The following GATAD2B variants were observed in gnomAD, a reference collection of about 807,000 sequenced individuals.
GATAD2B encodes transcriptional repressor p66-beta.
A neutral mutation model predicts 64.3 loss-of-function variants in GATAD2B; 8 were observed. That is an observed-to-expected ratio of 0.12 (90% CI 0.07 to 0.22). GATAD2B has a LOEUF of 0.22. GATAD2B is among the 10% of genes least tolerant of loss of function. GATAD2B has a pLI of 1.00. For synonymous variants in GATAD2B, 281 were observed against 271.3 expected (o/e 1.04, Z -0.35); for missense variants, 453 against 752.0 (o/e 0.60, Z 4.65).
At chr1:153,819,859 G>A in intron 2 of GATAD2B, 124 bp from the exon 3 acceptor site, 1 of 701,714 alleles carries the variant, frequency 1.4e-6, no homozygotes. Context: ...AGCACTTTGG[G>A]AGACCGAGGC....
intron 1 of GATAD2B, among the ~76,000 whole-genome samples, chr1:153,882,772 G>C (rs1443724797): frequency 6.6e-6 from 1 of 152,090 alleles, no homozygotes; most frequent in Non-Finnish European, 1.5e-5. Context: ...GACAAATCCA[G>C]ATGCTAGACA....
chr1:153,836,174 T>G lies in GATAD2B; in HGVS notation c.-1-7826A>C, dbSNP rs576372053. 2.0e-5 allele frequency among the ~76,000 whole-genome samples: 3 copies of G among 152,088 alleles called. No individual in the cohort carries two copies. The South Asian group carries it at 6.2e-4, about 32-fold the overall frequency. On this transcript the variant is annotated intron_variant, in intron 1 of 10. Coordinates refer to ENST00000368655, the MANE Select transcript of GATAD2B (RefSeq NM_020699.4). ...GAAAAGTACACAGTAAGGCAGTGGC[T>G]TGTGTGTGTAATCCCAGTGACACAA...
rs902336131 is a variant in GATAD2B at position 153,806,141 on chromosome 1, A to C, written c.*4036T>G. On this transcript the variant is annotated 3_prime_UTR_variant, in exon 11 of 11. Coordinates refer to ENST00000368655, the MANE Select transcript of GATAD2B (RefSeq NM_020699.4). ...ATATTGTATATATGCTGATGCAATC[A>C]GAGGAAAAAAACAGTGCAAATACAA... 1 of 152,220 alleles carries C rather than the reference A, an allele frequency of 6.6e-6. No individual in the cohort carries two copies. The highest frequency in any genetic ancestry group is 1.5e-5 in the Non-Finnish European group (1 of 68,044). 9.4% of individuals were successfully genotyped at this position (152,220 alleles called of 1,614,324 possible). A position where few individuals can be genotyped will look rare whatever the true frequency, so the allele number is the denominator to read the frequency against.
intron 1 of GATAD2B, among the ~76,000 whole-genome samples, chr1:153,901,869 C>T (rs1432090669): frequency 7.2e-6 from 1 of 139,392 alleles, no homozygotes; most frequent in Admixed American, 7.3e-5. Flanking sequence ...AATAAAATGG[C>T]CCTGGTGTCT....
chr1:153,883,376 TTATC>T (rs1250876089), intron 1 of GATAD2B, among the ~76,000 whole-genome samples: 1 of 152,214 alleles, frequency 6.6e-6, no homozygotes. Flanking sequence ...GGAAAACCCT[TTATC>T]TACAACACAA....
intron 8 of GATAD2B, 139 bp from the exon 9 acceptor site, chr1:153,812,271 C>A: frequency 1.7e-6 from 1 of 599,376 alleles, no homozygotes; most frequent in South Asian, 2.1e-5. Flanking sequence ...CTCAAGCAAT[C>A]CTCTCACCTT....
At chr1:153,856,004 G>A (rs1205764770) in intron 1 of GATAD2B, among the ~76,000 whole-genome samples, 1 of 152,128 alleles carries the variant, frequency 6.6e-6, no homozygotes, top group Non-Finnish European at 1.5e-5. Context: ...TTCTTCTGGA[G>A]TCTCTAGAGG....
At chr1:153,817,302 G>C in intron 6 of GATAD2B, 70 bp downstream of exon 6, 1 of 1,391,770 alleles carries the variant, frequency 7.2e-7, no homozygotes, top group African/African-American at 1.4e-5. Context: ...TAAAACCTAT[G>C]GCCCTTTCGA....
At chr1:153,889,470 T>C (rs1359095560) in intron 1 of GATAD2B, among the ~76,000 whole-genome samples, 2 of 145,638 alleles carry the variant, frequency 1.4e-5, no homozygotes, top group African/African-American at 5.1e-5. Context: ...TGTATATTTA[T>C]AAATCACTCT....
At chr1:153,814,977 CA>C (rs58167495) in intron 7 of GATAD2B, among the ~76,000 whole-genome samples, 1,789 of 107,056 alleles carry the variant, frequency 0.017, 26 homozygotes, top group African/African-American at 0.05. Context: ...GATTCCATCT[CA>C]AAAAAAAAAA....
At chr1:153,856,325 T>C (rs1236313529) in intron 1 of GATAD2B, among the ~76,000 whole-genome samples, 1 of 152,190 alleles carries the variant, frequency 6.6e-6, no homozygotes, top group Non-Finnish European at 1.5e-5. Flanking sequence ...GGGCATTATT[T>C]TGCCTACCAC....
intron 1 of GATAD2B, chr1:153,921,788 T>A (rs1678440339): frequency 6.6e-6 from 1 of 152,182 alleles, no homozygotes; most frequent in Non-Finnish European, 1.5e-5. Flanking sequence ...TGAGCTAACA[T>A]CTTGTGTTTG....
chr1:153,833,978 CTTTTTTTTTATG>C (rs954463625), intron 1 of GATAD2B, among the ~76,000 whole-genome samples: 6 of 149,862 alleles, frequency 4.0e-5, no homozygotes, highest in African/African-American at 1.2e-4. Context: ...GTCTCTCTCT[CTTTTTTTTTATG>C]TTTTTTTTTG....
Position 153,816,767 on chromosome 1 carries a change from T to C in GATAD2B, c.901-179A>G, listed in dbSNP as rs569962462. ...GACACATAGGAAAGGAGAATGATGA[T>C]GACCATGAGCTAACATTGCTAAGAG... On this transcript the variant is annotated intron_variant, in intron 6 of 10. Transcript: ENST00000368655. The surrounding 1 kb of genome is among the most constrained non-coding windows in gnomAD (Gnocchi z 4.9). Among the ~76,000 whole-genome samples, 1 of 152,284 alleles carries C rather than the reference T, an allele frequency of 6.6e-6. No homozygotes were observed. The highest frequency in any genetic ancestry group is 1.9e-4 in the East Asian group (1 of 5,188).
At chr1:153,844,458 T>C (rs1417065911) in intron 1 of GATAD2B, among the ~76,000 whole-genome samples, 3 of 131,876 alleles carry the variant, frequency 2.3e-5, no homozygotes, top group South Asian at 2.4e-4. Flanking sequence ...ACAAATACAA[T>C]AACTGAATTG....
chr1:153,856,766 AAAAG>A (rs1192869803), intron 1 of GATAD2B, among the ~76,000 whole-genome samples: 6 of 152,076 alleles, frequency 3.9e-5, no homozygotes, highest in African/African-American at 7.2e-5. Context: ...CTAACCAAAA[AAAAG>A]AAAGAAAGAA....
At chr1:153,897,033 C>T (rs1025852430) in intron 1 of GATAD2B, among the ~76,000 whole-genome samples, 5 of 142,512 alleles carry the variant, frequency 3.5e-5, no homozygotes, top group African/African-American at 5.2e-5. Flanking sequence ...TCTTAGAACA[C>T]TTTTTTTTTT....
chr1:153,833,270 T>A (rs1158583117), intron 1 of GATAD2B, among the ~76,000 whole-genome samples: 1 of 152,170 alleles, frequency 6.6e-6, no homozygotes, highest in Admixed American at 6.6e-5. Flanking sequence ...ACTCTCTCAA[T>A]GGAACAACGA....
chr1:153,903,999 T>C (rs1677854062), intron 1 of GATAD2B, among the ~76,000 whole-genome samples: 1 of 151,874 alleles, frequency 6.6e-6, no homozygotes, highest in African/African-American at 2.4e-5. Flanking sequence ...TAAATAGATA[T>C]GCCAGGCCCG....
Sources: allele counts gnomAD v4.1 joint callset (sites outside exome capture counted in the v4.1 genomes callset), GRCh38; gene constraint gnomAD v4.1.1; non-coding constraint Gnocchi (gnomAD v3.1); transcripts MANE v1.5; gene names NCBI Gene and HGNC (gene_info 2026-07-23, HGNC 2026-07-21).